Variants in ANKS1B observed in about 807,000 individuals in gnomAD.
ANKS1B encodes the protein ankyrin repeat and sterile alpha motif domain containing 1B, also known as ankyrin repeat and sterile alpha motif domain-containing protein 1B.
Under a neutral mutation model 148.3 loss-of-function variants are expected in ANKS1B, and 36 were observed. That is an observed-to-expected ratio of 0.24 (90% CI 0.19 to 0.32). ANKS1B has a LOEUF of 0.32. Among genes scored for constraint, ANKS1B ranks in the 10% least tolerant of loss-of-function variants. ANKS1B has a pLI of 1.00. For synonymous variants in ANKS1B, 542 were observed against 560.8 expected (o/e 0.97, Z 0.47); for missense variants, 1,157 against 1,542.6 (o/e 0.75, Z 4.19).
intron 15 of ANKS1B, among the ~76,000 whole-genome samples, chr12:99,140,647 G>A (rs761155710): frequency 6.6e-6 from 1 of 152,120 alleles, no homozygotes; most frequent in Non-Finnish European, 1.5e-5. Flanking sequence ...AGATGTTCAC[G>A]AAGGTTGAGG....
chr12:98,925,059 A>G (rs908817322), intron 17 of ANKS1B, among the ~76,000 whole-genome samples: 1 of 152,222 alleles, frequency 6.6e-6, no homozygotes, highest in Non-Finnish European at 1.5e-5. Context: ...TGGTTCTATT[A>G]TGTGCAACTG....
chr12:98,931,578 A>G (rs1203112482), intron 17 of ANKS1B: 5 of 151,978 alleles, frequency 3.3e-5, no homozygotes. Context: ...ACTCTGTATT[A>G]CTCTTTTTAT....
intron 10 of ANKS1B, among the ~76,000 whole-genome samples, chr12:99,462,799 C>T (rs1378472959): frequency 1.3e-5 from 2 of 152,166 alleles, no homozygotes; most frequent in African/African-American, 4.8e-5. Context: ...GCCTGGTGCC[C>T]TCCCTGTGGA....
At chr12:99,034,847 C>A (rs935275115) in intron 17 of ANKS1B, among the ~76,000 whole-genome samples, 2 of 152,098 alleles carry the variant, frequency 1.3e-5, no homozygotes, top group Admixed American at 6.6e-5. Flanking sequence ...ACGTGTTCTC[C>A]AGGGTGAAGG....
intron 10 of ANKS1B, among the ~76,000 whole-genome samples, chr12:99,465,877 A>G (rs2096098182): frequency 6.6e-6 from 1 of 152,190 alleles, no homozygotes. Context: ...AACATTAGAC[A>G]GATCAACGAG....
intron 19 of ANKS1B, among the ~76,000 whole-genome samples, chr12:98,823,774 G>A (rs562596980): frequency 6.6e-6 from 1 of 152,390 alleles, no homozygotes; most frequent in East Asian, 1.9e-4. Context: ...TTACAGGCGT[G>A]AGCCACGGTG....
chr12:99,736,497 C>A (rs1189908688), intron 8 of ANKS1B, among the ~76,000 whole-genome samples: 1 of 151,562 alleles, frequency 6.6e-6, no homozygotes, highest in Non-Finnish European at 1.5e-5. Flanking sequence ...ATCTTATTTA[C>A]AGTAGCTACA....
chr12:99,848,151 G>A (rs1359756048), intron 1 of ANKS1B, among the ~76,000 whole-genome samples: 1 of 152,012 alleles, frequency 6.6e-6, no homozygotes, highest in African/African-American at 2.4e-5. Flanking sequence ...TGGTGTGATA[G>A]CATCTATTTG....
chr12:99,096,186 CT>C (rs1403650430), intron 15 of ANKS1B, among the ~76,000 whole-genome samples: 1 of 152,110 alleles, frequency 6.6e-6, no homozygotes, highest in African/African-American at 2.4e-5. Context: ...TAGTGTGTAG[CT>C]CTTCCAGGAA....
chr12:99,295,332 T>A (rs2080717335), intron 12 of ANKS1B, among the ~76,000 whole-genome samples: 1 of 152,222 alleles, frequency 6.6e-6, no homozygotes, highest in Non-Finnish European at 1.5e-5. Context: ...TGATTTGTCA[T>A]CTGAATATCT....
intron 10 of ANKS1B, among the ~76,000 whole-genome samples, chr12:99,491,436 T>C (rs1250771087): frequency 2.6e-5 from 4 of 152,198 alleles, no homozygotes; most frequent in East Asian, 1.9e-4. Context: ...ATTTGTTATA[T>C]AGGTAAACTC....
rs187446972 is a variant in ANKS1B, at chr12:98,856,517, G to A, written c.2779-24381C>T. On this transcript the variant is annotated intron_variant, in intron 17 of 26. Transcript: ENST00000683438. ...TTAATGTGTTGATTATATGCATGAA[G>A]ACTGATTTGTTAACAAACAGATGAT... 1.5e-3 allele frequency among the ~76,000 whole-genome samples: 221 copies of A among 152,318 alleles called. 1 individual carries two copies. The highest frequency in any genetic ancestry group is 5.1e-3 in the African/African-American group (214 of 41,574).
intron 9 of ANKS1B, among the ~76,000 whole-genome samples, chr12:99,590,062 C>T (rs1461175915): frequency 6.6e-6 from 1 of 151,966 alleles, no homozygotes; most frequent in Non-Finnish European, 1.5e-5. Context: ...ATCATTAAAA[C>T]AGTTACATAG....
intron 14 of ANKS1B, among the ~76,000 whole-genome samples, chr12:99,192,041 A>G (rs2080794479): frequency 6.8e-6 from 1 of 147,432 alleles, no homozygotes; most frequent in Non-Finnish European, 1.5e-5. Context: ...CTAAGGCAGG[A>G]GAATCGCTTG....
At chr12:98,864,118 T>G (rs2099612963) in intron 17 of ANKS1B, among the ~76,000 whole-genome samples, 1 of 150,162 alleles carries the variant, frequency 6.7e-6, no homozygotes, top group Admixed American at 6.7e-5. Flanking sequence ...CTACAATAGG[T>G]GTCTGTGATG....
At chr12:99,268,724 C>T (rs1750219948) in intron 12 of ANKS1B, among the ~76,000 whole-genome samples, 1 of 152,168 alleles carries the variant, frequency 6.6e-6, no homozygotes, top group African/African-American at 2.4e-5. Flanking sequence ...AAAACAATCA[C>T]TTTCCTGTTT....
At chr12:99,623,080 T>A (rs2098073731) in intron 9 of ANKS1B, among the ~76,000 whole-genome samples, 1 of 152,060 alleles carries the variant, frequency 6.6e-6, no homozygotes, top group Non-Finnish European at 1.5e-5. Flanking sequence ...ATTCCTGGGA[T>A]GCAAAGTTGG....
rs569850075 is a variant in ANKS1B at position 99,929,950 on chromosome 12, C to A, written c.134+54154G>T. On this transcript the variant is annotated intron_variant, in intron 1 of 26. Transcript: ENST00000683438. ...GTAGCATGATGCCTCCAGCTTTGTT[C>A]TTTTGGCTTAGGATTGACTTGGCAA... Among the ~76,000 whole-genome samples, 50 of 152,200 alleles carry A rather than the reference C, an allele frequency of 3.3e-4. No individual in the cohort carries two copies. The East Asian group carries it at 8.9e-3, about 27-fold the overall frequency.
chr12:99,649,445 C>G (rs773399333), intron 9 of ANKS1B: 17 of 1,472,264 alleles, frequency 1.2e-5, no homozygotes, highest in Non-Finnish European at 1.6e-5. Context: ...TTCACACACC[C>G]CTGCAGTCAT....
Sources: gnomAD v4.1 joint callset for allele counts (sites outside exome capture counted in the v4.1 genomes callset) on GRCh38, gnomAD v4.1.1 for gene constraint, MANE v1.5 for transcripts, NCBI Gene and HGNC (gene_info 2026-07-23, HGNC 2026-07-21) for gene names.